Variants in BLTP2 observed in about 807,000 individuals in gnomAD.
The protein encoded by BLTP2 is bridge-like lipid transfer protein family member 2.
At chr17:28,634,769 G>T in the BLTP2 span, 1 of 1,614,024 alleles carries the variant, frequency 6.2e-7, no homozygotes, top group Admixed American at 1.7e-5. Flanking sequence ...ATGTTTTTGC[G>T]TTCCAAAGAG....
chr17:28,616,358 C>T, the BLTP2 span: 2 of 1,613,754 alleles, frequency 1.2e-6, no homozygotes, highest in Non-Finnish European at 1.7e-6. The surrounding 1 kb of genome is among the most constrained non-coding windows in gnomAD (Gnocchi z 4.8). Flanking sequence ...ATTTTTCTAT[C>T]ATCAGGGGCA....
At chr17:28,615,346 A>G in the BLTP2 span, 14 of 1,054,820 alleles carry the variant, frequency 1.3e-5, no homozygotes, top group Non-Finnish European at 1.9e-5. Flanking sequence ...AAACACATCC[A>G]AGGCACAATG....
the BLTP2 span, chr17:28,619,904 C>A: frequency 1.2e-6 from 2 of 1,614,052 alleles, no homozygotes; most frequent in East Asian, 2.2e-5. Context: ...CGTATTTGGG[C>A]CACATGCTGC....
chr17:28,638,215 G>A, the BLTP2 span: 13 of 1,602,718 alleles, frequency 8.1e-6, no homozygotes, highest in South Asian at 1.4e-4. Flanking sequence ...GATGAGGAAA[G>A]CTGTGCAGGC....
At chr17:28,638,156 A>G in the BLTP2 span, 1 of 1,599,104 alleles carries the variant, frequency 6.3e-7, no homozygotes, top group South Asian at 1.1e-5. Flanking sequence ...ATAATGCCCT[A>G]ATGCACTTCC....
chr17:28,622,858 C>T, the BLTP2 span, among the ~76,000 whole-genome samples: 4 of 152,130 alleles, frequency 2.6e-5, no homozygotes, highest in Non-Finnish European at 4.4e-5. Flanking sequence ...GGGCGGATCA[C>T]GAGGTCAGGA....
chr17:28,636,950 C>T, the BLTP2 span: 10 of 1,610,984 alleles, frequency 6.2e-6, no homozygotes, highest in East Asian at 1.1e-4. Flanking sequence ...CCCCACCTCT[C>T]CACAGGAACA....
chr17:28,616,816 C>T, the BLTP2 span: 1 of 1,609,940 alleles, frequency 6.2e-7, no homozygotes, highest in Admixed American at 1.7e-5. This position sits in a 1 kb window ranked among gnomAD's most constrained non-coding sequence, Gnocchi z 4.8. Flanking sequence ...TTACCTACTC[C>T]TAATATCGTG....
the BLTP2 span, chr17:28,631,426 T>G: frequency 6.8e-5 from 100 of 1,480,250 alleles, no homozygotes; most frequent in Non-Finnish European, 8.4e-5. Flanking sequence ...CCAAGTAGGC[T>G]GAGATACCTA....
At chr17:28,621,335 T>G in the BLTP2 span, 4 of 1,467,586 alleles carry the variant, frequency 2.7e-6, no homozygotes, top group Non-Finnish European at 3.8e-6. Context: ...GGTAGGGAAA[T>G]GAGGTCCCTT....
the BLTP2 span, among the ~76,000 whole-genome samples, chr17:28,636,413 A>T: frequency 1.3e-5 from 2 of 152,258 alleles, no homozygotes; most frequent in Non-Finnish European, 2.9e-5. Flanking sequence ...CGAGGGCTTC[A>T]GCAAAATAAC....
chr17:28,645,086 C>CGGCCCCCGCCATGCCG, the BLTP2 span: 1 of 1,556,076 alleles, frequency 6.4e-7, no homozygotes, highest in Non-Finnish European at 8.7e-7. Flanking sequence ...GGCTTGGCCC[C>CGGCCCCCGCCATGCCG]GGCCCCCGCC....
At chr17:28,635,501 C>G in the BLTP2 span, 1 of 1,614,190 alleles carries the variant, frequency 6.2e-7, no homozygotes, top group Non-Finnish European at 8.5e-7. Flanking sequence ...TCAGGAAACA[C>G]AGTGGCTCTT....
At chr17:28,631,460 A>T in the BLTP2 span, 1 of 1,608,586 alleles carries the variant, frequency 6.2e-7, no homozygotes. Flanking sequence ...GGTAATAAAG[A>T]AAGTGTGTCA....
At chr17:28,633,616 C>T in the BLTP2 span, 16 of 1,614,008 alleles carry the variant, frequency 9.9e-6, no homozygotes, top group Middle Eastern at 1.6e-4. Context: ...GAACAGAAGA[C>T]GGCTCTTGTC....
At chr17:28,615,335 T>A in the BLTP2 span, 1 of 1,195,176 alleles carries the variant, frequency 8.4e-7, no homozygotes, top group Non-Finnish European at 1.2e-6. Context: ...AAAGATTTAT[T>A]AAACACATCC....
At chr17:28,636,911 G>C in the BLTP2 span, 1 of 1,376,856 alleles carries the variant, frequency 7.3e-7, no homozygotes, top group Non-Finnish European at 1.0e-6. Context: ...ACAGAGAAAG[G>C]CTCTAAGCTG....
chr17:28,635,871 G>A, the BLTP2 span: 2 of 397,348 alleles, frequency 5.0e-6, no homozygotes, highest in African/African-American at 4.1e-5. Context: ...GAAAATAGGG[G>A]CCATGTGTCT....
At chr17:28,628,137 G>A in the BLTP2 span, 2 of 816,716 alleles carry the variant, frequency 2.4e-6, no homozygotes, top group Middle Eastern at 3.8e-4. Flanking sequence ...GGCCTAAGAA[G>A]GAAAAATAAT....
Sources: allele counts gnomAD v4.1 joint callset (sites outside exome capture counted in the v4.1 genomes callset), GRCh38; gene constraint gnomAD v4.1.1; non-coding constraint Gnocchi (gnomAD v3.1); transcripts MANE v1.5; gene names NCBI Gene and HGNC (gene_info 2026-07-23, HGNC 2026-07-21).